IGFBP7: variants seen among roughly 807,000 people sequenced by gnomAD.
IGFBP7 encodes insulin-like growth factor-binding protein 7.
A neutral mutation model predicts 29.4 loss-of-function variants in IGFBP7; 31 were observed. The ratio of observed to expected loss-of-function variants is 1.05; its 90% CI spans 0.79 to 1.42. The LOEUF (loss-of-function observed/expected upper bound fraction) is 1.42, where lower values mean the gene tolerates loss of function less well. Among genes scored for constraint, IGFBP7 ranks in the 40% most tolerant of loss-of-function variants. The probability of loss-of-function intolerance (pLI) is 0.00; values close to 1 mark genes in which losing one functional copy is unlikely to be tolerated. For missense variants in IGFBP7, 393 were observed against 395.5 expected (o/e 0.99, Z 0.05); for synonymous variants, 172 against 174.9 (o/e 0.98, Z 0.13).
intron 1 of IGFBP7, among the ~76,000 whole-genome samples, chr4:57,093,276 G>A (rs921211449): frequency 2.6e-5 from 4 of 152,160 alleles, no homozygotes; most frequent in South Asian, 2.1e-4. Flanking sequence ...CGAGGCGGGC[G>A]GATCACTTGA....
chr4:57,095,333 C>G (rs1560507927), intron 1 of IGFBP7, among the ~76,000 whole-genome samples: 2 of 152,154 alleles, frequency 1.3e-5, no homozygotes, highest in Non-Finnish European at 2.9e-5. Context: ...CTCCCAGAAG[C>G]AGTGGTTCAG....
At chr4:57,106,520 A>C (rs1726035483) in intron 1 of IGFBP7, among the ~76,000 whole-genome samples, 2 of 152,084 alleles carry the variant, frequency 1.3e-5, no homozygotes, top group African/African-American at 4.8e-5. Context: ...TGCATAAAGG[A>C]GGTTGGAGAG....
intron 2 of IGFBP7, among the ~76,000 whole-genome samples, chr4:57,037,392 T>TC (rs398107340): frequency 6.6e-6 from 1 of 151,510 alleles, no homozygotes; most frequent in East Asian, 1.9e-4. Flanking sequence ...GTTTTTTTTT[T>TC]CAGAGACAGG....
At chr4:57,043,236 G>A (rs899187209) in intron 1 of IGFBP7, among the ~76,000 whole-genome samples, 1 of 152,216 alleles carries the variant, frequency 6.6e-6, no homozygotes, top group Non-Finnish European at 1.5e-5. Context: ...GGATCCTCAT[G>A]TGGGGCAGTG....
chr4:57,101,337 A>T (rs1246748731), intron 1 of IGFBP7, among the ~76,000 whole-genome samples: 1 of 152,174 alleles, frequency 6.6e-6, no homozygotes, highest in Non-Finnish European at 1.5e-5. Context: ...CAGGGTTCCT[A>T]GGTCTGTTTC....
intron 1 of IGFBP7, among the ~76,000 whole-genome samples, chr4:57,055,146 G>T (rs905357397): frequency 4.6e-5 from 7 of 151,990 alleles, no homozygotes; most frequent in African/African-American, 1.7e-4. Context: ...GGCATCTGCA[G>T]AAATAGGCAG....
At chr4:57,105,292 T>C (rs761782697) in intron 1 of IGFBP7, among the ~76,000 whole-genome samples, 8 of 152,248 alleles carry the variant, frequency 5.3e-5, no homozygotes, top group Non-Finnish European at 1.0e-4. Flanking sequence ...ATATGTTTCC[T>C]TGTTTCTGTG....
At chr4:57,071,545 GTCTC>G (rs369461448) in intron 1 of IGFBP7, among the ~76,000 whole-genome samples, 56 of 152,288 alleles carry the variant, frequency 3.7e-4, no homozygotes, top group African/African-American at 1.3e-3. Flanking sequence ...AGGAAATTGG[GTCTC>G]TCTTTCTTTT....
At chr4:57,070,453 T>TA (rs552253071) in intron 1 of IGFBP7, among the ~76,000 whole-genome samples, 1 of 152,072 alleles carries the variant, frequency 6.6e-6, no homozygotes, top group Non-Finnish European at 1.5e-5. Context: ...GGCTAACAAA[T>TA]AAAAAAAGTA....
At chr4:57,045,914 T>TG (rs1724346788) in intron 1 of IGFBP7, among the ~76,000 whole-genome samples, 5 of 150,882 alleles carry the variant, frequency 3.3e-5, no homozygotes, top group Admixed American at 3.3e-4. Flanking sequence ...TTAGTAGAGA[T>TG]GGGGTTTCAC....
At chr4:57,034,062 A>AAAC (rs1553913039) in intron 2 of IGFBP7, among the ~76,000 whole-genome samples, 1 of 150,606 alleles carries the variant, frequency 6.6e-6, no homozygotes, top group East Asian at 1.9e-4. Flanking sequence ...AAAAAAAAAA[A>AAAC]AAAAAACAGC....
At chr4:57,046,163 G>T (rs1560492732) in intron 1 of IGFBP7, among the ~76,000 whole-genome samples, 1 of 152,164 alleles carries the variant, frequency 6.6e-6, no homozygotes, top group Non-Finnish European at 1.5e-5. Context: ...GAAGAGAAGA[G>T]ATGCTGAAAA....
chr4:57,100,071 CTTTTTTTTT>C, intron 1 of IGFBP7, among the ~76,000 whole-genome samples: 1 of 115,724 alleles, frequency 8.6e-6, no homozygotes, highest in African/African-American at 3.4e-5. Flanking sequence ...TCTTTTCTTT[CTTTTTTTTT>C]TTTTTTTTGA....
chr4:57,078,462 A>G (rs1725282717), intron 1 of IGFBP7, among the ~76,000 whole-genome samples: 1 of 152,134 alleles, frequency 6.6e-6, no homozygotes, highest in Admixed American at 6.5e-5. Context: ...GGAAAGCGGT[A>G]AAACTCGATT....
intron 2 of IGFBP7, among the ~76,000 whole-genome samples, chr4:57,034,057 A>AAAAC (rs1724018787): frequency 1.3e-5 from 2 of 151,362 alleles, no homozygotes; most frequent in African/African-American, 2.4e-5. Flanking sequence ...CTCAAAAAAA[A>AAAAC]AAAAAAAAAA....
At chr4:57,067,841 AT>A (rs879448527) in intron 1 of IGFBP7, among the ~76,000 whole-genome samples, 1,532 of 117,730 alleles carry the variant, frequency 0.013, 22 homozygotes, top group African/African-American at 0.043. Context: ...ACTAAAAAAA[AT>A]AAAAAATAAA....
chr4:57,098,544 G>T (rs550832590), intron 1 of IGFBP7, among the ~76,000 whole-genome samples: 1 of 152,086 alleles, frequency 6.6e-6, no homozygotes, highest in East Asian at 1.9e-4. Context: ...CAACTTTTCC[G>T]TCCTGCTCTG....
At chr4:57,045,596 G>C (rs951866539) in intron 1 of IGFBP7, among the ~76,000 whole-genome samples, 3 of 152,104 alleles carry the variant, frequency 2.0e-5, no homozygotes, top group African/African-American at 7.2e-5. Flanking sequence ...AGAATCTGTA[G>C]GGATTCAACA....
chr4:57,107,634 C>G (rs1036802602), intron 1 of IGFBP7, among the ~76,000 whole-genome samples: 2 of 152,208 alleles, frequency 1.3e-5, no homozygotes, highest in African/African-American at 4.8e-5. Context: ...TAAATGGTCT[C>G]TGCCATTTAG....
Sources: allele counts gnomAD v4.1 joint callset (sites outside exome capture counted in the v4.1 genomes callset), GRCh38; gene constraint gnomAD v4.1.1; transcripts MANE v1.5; gene names NCBI Gene and HGNC (gene_info 2026-07-23, HGNC 2026-07-21).